XPR1: variants seen among roughly 807,000 people sequenced by gnomAD.
XPR1 encodes solute carrier family 53 member 1.
A neutral mutation model predicts 87.5 loss-of-function variants in XPR1; 28 were observed. The observed-to-expected ratio is 0.32, with a 90% confidence interval of 0.24 to 0.44. XPR1 has a LOEUF of 0.44. XPR1 is among the 20% of genes least tolerant of loss of function. The probability of loss-of-function intolerance (pLI) is 1.00; values close to 1 mark genes in which losing one functional copy is unlikely to be tolerated. For missense variants in XPR1, 559 were observed against 862.3 expected (o/e 0.65, Z 4.41); for synonymous variants, 300 against 306.1 (o/e 0.98, Z 0.21).
chr1:180,718,359 C>G (rs1386356970), intron 2 of XPR1, among the ~76,000 whole-genome samples: 5 of 152,144 alleles, frequency 3.3e-5, no homozygotes, highest in Non-Finnish European at 7.3e-5. Context: ...TATGTGACCA[C>G]ATAAAATAGT....
chr1:180,632,667 C>T (rs923704201), intron 1 of XPR1, among the ~76,000 whole-genome samples: 1 of 152,230 alleles, frequency 6.6e-6, no homozygotes, highest in Non-Finnish European at 1.5e-5. Context: ...CCACCCTGGG[C>T]GAGCGCCCCC....
intron 2 of XPR1, among the ~76,000 whole-genome samples, chr1:180,730,808 G>A (rs942828209): frequency 2.0e-5 from 3 of 150,802 alleles, no homozygotes; most frequent in Non-Finnish European, 1.5e-5. Flanking sequence ...GACCATAAGT[G>A]TTCACCACCA....
intron 3 of XPR1, among the ~76,000 whole-genome samples, chr1:180,793,939 A>G (rs550056631): frequency 2.6e-5 from 4 of 152,134 alleles, no homozygotes; most frequent in South Asian, 2.1e-4. Context: ...AGGAATGTCT[A>G]TGGTCATGAG....
chr1:180,691,720 T>C (rs1295317658), intron 2 of XPR1, among the ~76,000 whole-genome samples: 1 of 152,142 alleles, frequency 6.6e-6, no homozygotes, highest in Non-Finnish European at 1.5e-5. Flanking sequence ...TCCTTAGAAT[T>C]CAGTTCTTAG....
intron 1 of XPR1, among the ~76,000 whole-genome samples, chr1:180,664,884 T>C (rs7522604): frequency 0.043 from 6,536 of 152,210 alleles, 501 homozygotes; most frequent in African/African-American, 0.15. Context: ...ACAAGGAGCA[T>C]ACAACCTAGA....
At chr1:180,658,536 C>T (rs1473147654) in intron 1 of XPR1, among the ~76,000 whole-genome samples, 1 of 151,986 alleles carries the variant, frequency 6.6e-6, no homozygotes, top group Non-Finnish European at 1.5e-5. Context: ...TCAACATCAA[C>T]CAAAGTGATC....
intron 2 of XPR1, among the ~76,000 whole-genome samples, chr1:180,696,024 G>C (rs1309456619): frequency 6.6e-6 from 1 of 151,812 alleles, no homozygotes; most frequent in East Asian, 1.9e-4. Flanking sequence ...TTTGGGTAGT[G>C]TGGTCATTTT....
chr1:180,793,968 G>A (rs1649476633), intron 3 of XPR1, among the ~76,000 whole-genome samples: 1 of 151,922 alleles, frequency 6.6e-6, no homozygotes, highest in Admixed American at 6.6e-5. Flanking sequence ...TTTCCAAATG[G>A]CATCTTCACA....
intron 1 of XPR1, among the ~76,000 whole-genome samples, chr1:180,646,640 T>C (rs1420760559): frequency 6.6e-6 from 1 of 152,206 alleles, no homozygotes; most frequent in Non-Finnish European, 1.5e-5. Context: ...TGTCTCATCA[T>C]TGGGTCTTTT....
intron 2 of XPR1, among the ~76,000 whole-genome samples, chr1:180,684,479 T>C (rs900902368): frequency 2.0e-5 from 3 of 152,210 alleles, no homozygotes; most frequent in Non-Finnish European, 4.4e-5. Context: ...GGGCTCTTTT[T>C]TGGTTCCATA....
At chr1:180,782,391 C>T (rs1648974531) in intron 2 of XPR1, among the ~76,000 whole-genome samples, 1 of 151,944 alleles carries the variant, frequency 6.6e-6, no homozygotes, top group Admixed American at 6.6e-5. Flanking sequence ...TTTCTGGAGG[C>T]TTGAAAGTCC....
intron 11 of XPR1, among the ~76,000 whole-genome samples, chr1:180,841,372 ATTT>A (rs61531123): frequency 6.9e-6 from 1 of 145,006 alleles, no homozygotes; most frequent in African/African-American, 2.5e-5. Flanking sequence ...CAGCCTAGGG[ATTT>A]TTTTTTTTTC....
At position 180,691,472 on chromosome 1, in the gene XPR1, G is replaced by A. The variant is rs150525409; in HGVS notation, c.121+9061G>A. Among the ~76,000 whole-genome samples the A allele has an allele frequency of 3.3e-5, 5 of 152,164 alleles. No homozygotes were observed. The East Asian group carries it at 7.7e-4, about 23-fold the overall frequency. On this transcript the variant is annotated intron_variant, in intron 2 of 14. Transcript: ENST00000367590. ...TGGAGAGTGTACATAGCTAATGTTA[G>A]CTTAATTCATCTCTGACTCAGCTTA...
intron 13 of XPR1, chr1:180,878,053 G>A (rs1652717036): frequency 6.6e-6 from 1 of 152,286 alleles, no homozygotes; most frequent in Non-Finnish European, 1.5e-5. Flanking sequence ...GCTCTCTCCA[G>A]ACCAGTGCTC....
intron 2 of XPR1, among the ~76,000 whole-genome samples, chr1:180,695,742 A>T (rs1657143478): frequency 6.6e-6 from 1 of 152,002 alleles, no homozygotes; most frequent in Non-Finnish European, 1.5e-5. Context: ...GTTTTCTGTA[A>T]ATATGTGGGT....
chr1:180,796,662 A>G (rs1649583778), intron 3 of XPR1, among the ~76,000 whole-genome samples: 2 of 152,320 alleles, frequency 1.3e-5, no homozygotes, highest in South Asian at 4.1e-4. Flanking sequence ...CTTGTATGAG[A>G]GTGTTAACAG....
intron 2 of XPR1, among the ~76,000 whole-genome samples, chr1:180,712,357 G>C (rs1571754897): frequency 6.6e-6 from 1 of 152,276 alleles, no homozygotes; most frequent in East Asian, 1.9e-4. Context: ...GGAGCAGGAA[G>C]GTGTGAGATT....
At chr1:180,678,295 G>A (rs1034804554) in intron 1 of XPR1, among the ~76,000 whole-genome samples, 3 of 152,146 alleles carry the variant, frequency 2.0e-5, no homozygotes, top group Admixed American at 6.5e-5. Context: ...TTCTTCAGAG[G>A]TCTGGAGGTG....
In XPR1 at chr1:180,834,829, C is replaced by T. The variant is rs72723047; in HGVS notation, c.1135-45C>T. The stretch of plus-strand genomic sequence containing the variant: ...AGACATGAAATGGAGACATTTAATA[C>T]GACTTTTCTTGTTTCTGTGTTTTCT... On this transcript the variant is annotated intron_variant, in intron 9 of 14. Transcript: ENST00000367590. 41,957 of 1,566,802 alleles carry T rather than the reference C, an allele frequency of 0.027. 633 individuals carry two copies. The highest frequency in any genetic ancestry group is 0.03 in the Non-Finnish European group (35,086 of 1,157,624).
Sources: gnomAD v4.1 joint callset for allele counts (sites outside exome capture counted in the v4.1 genomes callset) on GRCh38, gnomAD v4.1.1 for gene constraint, MANE v1.5 for transcripts, NCBI Gene and HGNC (gene_info 2026-07-23, HGNC 2026-07-21) for gene names.